SGCZ: variants seen among roughly 807,000 people sequenced by gnomAD.
The protein encoded by SGCZ is sarcoglycan zeta, also known as zeta-sarcoglycan.
Under a neutral mutation model 41.3 loss-of-function variants are expected in SGCZ, and 40 were observed. The observed-to-expected ratio is 0.97, with a 90% CI of 0.75 to 1.26. The LOEUF (loss-of-function observed/expected upper bound fraction) is 1.26, where lower values mean the gene tolerates loss of function less well. Ranked by LOEUF, SGCZ falls within the 50% of genes most tolerant of loss-of-function variation. The pLI is 0.00. For missense variants in SGCZ, 552 were observed against 369.8 expected (o/e 1.49, Z -4.04); for synonymous variants, 206 against 137.5 (o/e 1.50, Z -3.49).
chr8:14,726,662 T>A (rs1027187237), intron 1 of SGCZ, among the ~76,000 whole-genome samples: 1 of 151,734 alleles, frequency 6.6e-6, no homozygotes, highest in Non-Finnish European at 1.5e-5. Flanking sequence ...GGAGTATAAA[T>A]ACAGAATAGA....
intron 1 of SGCZ, among the ~76,000 whole-genome samples, chr8:15,189,821 G>A (rs541139125): frequency 1.5e-4 from 23 of 152,212 alleles, no homozygotes; most frequent in African/African-American, 5.5e-4. Flanking sequence ...AAAGTTCTGG[G>A]ATTACAGGCA....
chr8:14,715,594 G>C (rs1017002266), intron 1 of SGCZ, among the ~76,000 whole-genome samples: 1 of 151,466 alleles, frequency 6.6e-6, no homozygotes, highest in Non-Finnish European at 1.5e-5. Context: ...TTCTGTAGAA[G>C]ACCATGGCCA....
At chr8:14,300,846 G>C (rs1412630088) in intron 3 of SGCZ, among the ~76,000 whole-genome samples, 1 of 151,900 alleles carries the variant, frequency 6.6e-6, no homozygotes, top group Non-Finnish European at 1.5e-5. Context: ...TGAGTTGTGT[G>C]AGTTCCTTAT....
At chr8:14,525,692 C>T (rs565545388) in intron 2 of SGCZ, among the ~76,000 whole-genome samples, 1 of 152,110 alleles carries the variant, frequency 6.6e-6, no homozygotes, top group African/African-American at 2.4e-5. Flanking sequence ...ATTAGTGGGC[C>T]TTTGCAAAGA....
intron 2 of SGCZ, among the ~76,000 whole-genome samples, chr8:14,413,815 G>A (rs1319837871): frequency 6.6e-6 from 1 of 151,696 alleles, no homozygotes; most frequent in Non-Finnish European, 1.5e-5. Flanking sequence ...ATACATATAT[G>A]GTTTAGATAG....
intron 1 of SGCZ, among the ~76,000 whole-genome samples, chr8:14,771,468 T>C (rs1800236287): frequency 1.3e-5 from 2 of 152,132 alleles, no homozygotes; most frequent in Non-Finnish European, 1.5e-5. Flanking sequence ...TGATTTTTTG[T>C]TTTACTTGAA....
At chr8:14,259,449 ACG>A in intron 3 of SGCZ, among the ~76,000 whole-genome samples, 1 of 150,894 alleles carries the variant, frequency 6.6e-6, no homozygotes. Flanking sequence ...TTTAGGTCGA[ACG>A]TTTAAGTCTT....
intron 1 of SGCZ, among the ~76,000 whole-genome samples, chr8:14,689,775 T>G (rs6989198): frequency 0.4 from 60,668 of 151,994 alleles, 15,720 homozygotes; most frequent in African/African-American, 0.74. Flanking sequence ...GGATATCTAT[T>G]AATACAACAG....
chr8:14,506,879 C>A (rs1802321690), intron 2 of SGCZ, among the ~76,000 whole-genome samples: 1 of 152,200 alleles, frequency 6.6e-6, no homozygotes, highest in African/African-American at 2.4e-5. Context: ...GTGTCCTTTG[C>A]AGGCTCCTCC....
intron 1 of SGCZ, among the ~76,000 whole-genome samples, chr8:14,943,336 C>A (rs537584612): frequency 6.6e-6 from 1 of 152,174 alleles, no homozygotes; most frequent in African/African-American, 2.4e-5. Flanking sequence ...TGAAACACTT[C>A]GGTTGCTCCA....
intron 1 of SGCZ, among the ~76,000 whole-genome samples, chr8:15,213,007 GAA>G (rs1467008863): frequency 4.0e-5 from 6 of 151,838 alleles, no homozygotes; most frequent in Non-Finnish European, 8.8e-5. Flanking sequence ...TCTAATGAAT[GAA>G]AAGTGATAAA....
chr8:15,068,841 C>G (rs542795511), intron 1 of SGCZ, among the ~76,000 whole-genome samples: 7 of 152,192 alleles, frequency 4.6e-5, no homozygotes, highest in Non-Finnish European at 1.0e-4. Flanking sequence ...CAGCAAACCA[C>G]AGAGTCTAAA....
chr8:14,449,526 T>G (rs2117396499), intron 2 of SGCZ, among the ~76,000 whole-genome samples: 1 of 152,276 alleles, frequency 6.6e-6, no homozygotes, highest in African/African-American at 2.4e-5. Context: ...TCAGAATTAC[T>G]ATTCCTAGCT....
chr8:15,098,773 C>T (rs1370293143), intron 1 of SGCZ, among the ~76,000 whole-genome samples: 1 of 152,042 alleles, frequency 6.6e-6, no homozygotes, highest in Non-Finnish European at 1.5e-5. Context: ...AAAGTAGTGC[C>T]TCAGTTCGGG....
At chr8:14,728,506 C>A (rs2253890) in intron 1 of SGCZ, among the ~76,000 whole-genome samples, 55,883 of 151,374 alleles carry the variant, frequency 0.37, 12,479 homozygotes, top group Non-Finnish European at 0.5. Flanking sequence ...GAAAAAGACA[C>A]GAAAATGAAT....
chr8:14,552,960 T>C (rs1438357319), intron 2 of SGCZ, among the ~76,000 whole-genome samples: 1 of 151,936 alleles, frequency 6.6e-6, no homozygotes, highest in Non-Finnish European at 1.5e-5. Context: ...ATAGAGAAAA[T>C]CATATTACTG....
chr8:14,336,173 T>C (rs1412306711), intron 2 of SGCZ, among the ~76,000 whole-genome samples: 1 of 152,128 alleles, frequency 6.6e-6, no homozygotes. Context: ...AGTATTTGGT[T>C]TTCTGCTTCT....
chr8:14,139,828 C>T (rs937123856), intron 5 of SGCZ, among the ~76,000 whole-genome samples: 7 of 152,194 alleles, frequency 4.6e-5, no homozygotes, highest in African/African-American at 1.7e-4. Context: ...CTCCCTAACT[C>T]ATGTTATGAG....
At chr8:14,755,531 G>C (rs184161428) in intron 1 of SGCZ, among the ~76,000 whole-genome samples, 3 of 152,092 alleles carry the variant, frequency 2.0e-5, no homozygotes, top group Admixed American at 6.5e-5. Flanking sequence ...CTTTTAATAA[G>C]CTCTTAACAA....
Sources: allele counts gnomAD v4.1 joint callset (sites outside exome capture counted in the v4.1 genomes callset), GRCh38; gene constraint gnomAD v4.1.1; transcripts MANE v1.5; gene names NCBI Gene and HGNC (gene_info 2026-07-23, HGNC 2026-07-21).